The following MAN2A1 variants were observed in gnomAD, a reference collection of about 807,000 sequenced individuals.
MAN2A1 encodes the protein alpha-mannosidase 2.
A neutral mutation model predicts 142.6 loss-of-function variants in MAN2A1; 76 were observed. The ratio of observed to expected loss-of-function variants is 0.53; its 90% CI spans 0.44 to 0.65. MAN2A1 has a LOEUF of 0.65. MAN2A1 is among the 30% of genes least tolerant of loss of function. The pLI is 0.00. For synonymous variants in MAN2A1, 559 were observed against 473.2 expected, an observed-to-expected ratio of 1.18 and a Z score of -2.35; for missense variants, 1,311 against 1,365.1, an observed-to-expected ratio of 0.96 and a Z score of 0.62.
At position 109,797,041 on chromosome 5, in the gene MAN2A1, T is replaced by C. The variant is rs575123780; in HGVS notation, c.1943+7514T>C. ...TAAACTAACTACGTTAGAGAAGGAC[T>C]TCAGCTAATATCAAAATAAAAAGGA... On this transcript the variant is annotated intron_variant, in intron 12 of 21. Transcript: ENST00000261483. Among the ~76,000 whole-genome samples, 7 of 152,292 alleles carry C rather than the reference T, an allele frequency of 4.6e-5. No individual in the cohort carries two copies. The East Asian group carries it at 1.4e-3, about 29-fold the overall frequency.
At position 109,716,191 on chromosome 5, in the gene MAN2A1, T is replaced by C. The variant is rs1404276632; in HGVS notation, c.462T>C (p.Ile154=). 6.2e-7 allele frequency: 1 copy of C among 1,611,726 alleles called. No individual in the cohort carries two copies. Among genetic ancestry groups the C allele is most frequent in the Non-Finnish European group, 8.5e-7 (1 of 1,178,292 alleles). Residue 154 remains isoleucine, a synonymous_variant, in exon 3 of 22, where the codon ATT becomes ATC. Transcript: ENST00000261483. ...GAGTTTGGAAGCAAGGATTTGACAT[T>C]ACTTATGAATCTAATGAATGGGACA... ...DGGVWKQGFD[I]TYESNEWDTE...
chr5:109,731,715 T>G (rs248753), intron 4 of MAN2A1, among the ~76,000 whole-genome samples: 2,239 of 152,078 alleles, frequency 0.015, 73 homozygotes, highest in Admixed American at 0.071. Flanking sequence ...GGCTGCATAG[T>G]ATTCCATGGT....
intron 3 of MAN2A1, among the ~76,000 whole-genome samples, chr5:109,723,169 G>A (rs1034279472): frequency 6.6e-6 from 1 of 152,150 alleles, no homozygotes; most frequent in Non-Finnish European, 1.5e-5. Flanking sequence ...ATGCAAATAG[G>A]TTCCTCTGGT....
At chr5:109,788,659 G>A (rs993160364) in intron 10 of MAN2A1, among the ~76,000 whole-genome samples, 1 of 151,730 alleles carries the variant, frequency 6.6e-6, no homozygotes, top group African/African-American at 2.4e-5. Flanking sequence ...ATTATTTGGT[G>A]CGATATTCAT....
intron 12 of MAN2A1, among the ~76,000 whole-genome samples, chr5:109,794,698 G>A (rs923470846): frequency 3.3e-5 from 5 of 152,068 alleles, no homozygotes; most frequent in African/African-American, 1.2e-4. Context: ...AAGCTATTCT[G>A]TATTCCAGTC....
In MAN2A1 at chr5:109,869,251, T is replaced by A. The variant is rs1025541744; in HGVS notation, c.*2253T>A. The A allele has an allele frequency of 6.6e-6, 1 of 152,196 alleles. No homozygotes were observed. The highest frequency in any genetic ancestry group is 6.5e-5 in the Admixed American group (1 of 15,274). 9.4% of individuals were successfully genotyped at this position (152,196 alleles called of 1,614,324 possible). On this transcript the variant is annotated 3_prime_UTR_variant, in exon 22 of 22. Transcript: ENST00000261483. Reference sequence around the variant, plus strand: ...TCAGTGGCATATTTATTTGGTTAGGTTTCGTTACATTTATTATTACAGATG... The same window carrying A: ...TCAGTGGCATATTTATTTGGTTAGGATTCGTTACATTTATTATTACAGATG...
intron 18 of MAN2A1, among the ~76,000 whole-genome samples, chr5:109,846,630 G>A (rs1392156688): frequency 6.6e-6 from 1 of 152,080 alleles, no homozygotes; most frequent in Non-Finnish European, 1.5e-5. Context: ...ATCATACATG[G>A]TATCATTGGT....
intron 12 of MAN2A1, among the ~76,000 whole-genome samples, chr5:109,790,391 A>G (rs933618236): frequency 1.4e-4 from 22 of 152,048 alleles, no homozygotes; most frequent in Middle Eastern, 3.4e-3. Context: ...TTAAGCATAG[A>G]CTAAAGTCTT....
chr5:109,834,671 A>AGTAGCTGTTTATCTAGTAGTGTTTTAT, intron 16 of MAN2A1, among the ~76,000 whole-genome samples: 1 of 152,348 alleles, frequency 6.6e-6, no homozygotes, highest in South Asian at 2.1e-4. Context: ...GGTAAGTAAT[A>AGTAGCTGTTTATCTAGTAGTGTTTTAT]GTAGCTGTTT....
intron 9 of MAN2A1, among the ~76,000 whole-genome samples, chr5:109,782,058 A>T (rs1175800922): frequency 6.6e-6 from 1 of 152,164 alleles, no homozygotes; most frequent in Non-Finnish European, 1.5e-5. Context: ...TGTATTTTGT[A>T]TGTGGGAGAA....
chr5:109,818,459 G>A (rs1239197415), intron 13 of MAN2A1, among the ~76,000 whole-genome samples: 1 of 152,030 alleles, frequency 6.6e-6, no homozygotes, highest in Non-Finnish European at 1.5e-5. Flanking sequence ...AGATTTTACA[G>A]GAAGCTTTCC....
intron 12 of MAN2A1, among the ~76,000 whole-genome samples, chr5:109,803,128 A>G (rs778425068): frequency 1.3e-5 from 2 of 152,060 alleles, no homozygotes; most frequent in Admixed American, 6.6e-5. Context: ...CTTTAAAAGA[A>G]TCTTCCTTAC....
rs1204987165 is a variant in MAN2A1 at position 109,713,695 on chromosome 5, C to T, written c.311C>T (p.Pro104Leu). 5 of 1,614,184 alleles carry T rather than the reference C, an allele frequency of 3.1e-6. No homozygotes were observed. In the Admixed American group the frequency reaches 5.0e-5, roughly 16 times the overall value. ...CAAGGTGCTGGCTCACATCTTCTGC[C>T]CTCACAATTATCCCTCTCAGTTGAC... ...FSQGAGSHLL[P>L]SQLSLSVDTA... The change falls in exon 2 of 22, where the codon CCC (proline) becomes CTC (leucine). Residue 104 changes from proline (P) to leucine (L), a missense_variant. By Grantham distance (98) the Pro-to-Leu change is moderately conservative. This residue lies in a region of MAN2A1 where 409 missense variants were observed against 412.7 expected (regional missense o/e 0.99). Coordinates refer to ENST00000261483, the MANE Select transcript of MAN2A1 (RefSeq NM_002372.4).
chr5:109,769,118 T>A (rs1358319719), intron 6 of MAN2A1, among the ~76,000 whole-genome samples: 1 of 152,128 alleles, frequency 6.6e-6, no homozygotes, highest in Non-Finnish European at 1.5e-5. Context: ...GAGAAGAGTT[T>A]TAGGACTTGT....
At chr5:109,772,860 C>T (rs1025869526) in intron 7 of MAN2A1, among the ~76,000 whole-genome samples, 2 of 151,700 alleles carry the variant, frequency 1.3e-5, no homozygotes, top group Non-Finnish European at 2.9e-5. Context: ...CCATAATGTA[C>T]AGATGGCATC....
chr5:109,786,987 C>T (rs2112675054), intron 10 of MAN2A1, among the ~76,000 whole-genome samples: 1 of 151,910 alleles, frequency 6.6e-6, no homozygotes, highest in South Asian at 2.1e-4. Context: ...AGCATGCTGT[C>T]AACAATAGAT....
chr5:109,822,090 G>A (rs1754639118), intron 15 of MAN2A1, among the ~76,000 whole-genome samples: 1 of 150,648 alleles, frequency 6.6e-6, no homozygotes, highest in Admixed American at 6.6e-5. Flanking sequence ...GATTTTAAGG[G>A]ATTGTGTAGG....
intron 10 of MAN2A1, among the ~76,000 whole-genome samples, chr5:109,788,512 T>G (rs1753651447): frequency 6.6e-6 from 1 of 151,920 alleles, no homozygotes; most frequent in Non-Finnish European, 1.5e-5. Context: ...GTATACGAAT[T>G]GAATTTTCTT....
chr5:109,776,524 T>C (rs1365618813), intron 8 of MAN2A1, among the ~76,000 whole-genome samples: 1 of 152,136 alleles, frequency 6.6e-6, no homozygotes, highest in Non-Finnish European at 1.5e-5. Context: ...TCTGGTCTCC[T>C]GTCTGACTGA....
Sources: allele counts gnomAD v4.1 joint callset (sites outside exome capture counted in the v4.1 genomes callset), GRCh38; gene constraint gnomAD v4.1.1; regional missense constraint gnomAD v4.1.1; transcripts MANE v1.5; gene names NCBI Gene and HGNC (gene_info 2026-07-23, HGNC 2026-07-21).